The following KIAA0825 variants were observed in gnomAD, a reference collection of about 807,000 sequenced individuals.
KIAA0825 encodes the protein KIAA0825.
A neutral mutation model predicts 147.6 loss-of-function variants in KIAA0825; 119 were observed. The ratio of observed to expected loss-of-function variants is 0.81; its 90% CI spans 0.69 to 0.94. The LOEUF (loss-of-function observed/expected upper bound fraction) is 0.94, where lower values mean the gene tolerates loss of function less well. Among genes scored for constraint, KIAA0825 ranks in the 40% least tolerant of loss-of-function variants. The pLI, the probability that KIAA0825 is intolerant of heterozygous loss-of-function variation, is 0.00. For missense variants in KIAA0825, 1,381 were observed against 1,472.7 expected (o/e 0.94, Z 1.02); for synonymous variants, 470 against 518.1 (o/e 0.91, Z 1.26).
At chr5:94,319,540 G>C (rs1779967918) in intron 20 of KIAA0825, among the ~76,000 whole-genome samples, 2 of 151,814 alleles carry the variant, frequency 1.3e-5, no homozygotes, top group African/African-American at 4.8e-5. Context: ...TTCTCTCCCA[G>C]GTTTCCTCAT....
chr5:94,370,084 C>T (rs1016662978), intron 20 of KIAA0825, among the ~76,000 whole-genome samples: 2 of 151,876 alleles, frequency 1.3e-5, no homozygotes, highest in East Asian at 3.8e-4. Context: ...ATACTGGAAA[C>T]AATCCAAATG....
chr5:94,395,040 T>G (rs890293135), intron 17 of KIAA0825, among the ~76,000 whole-genome samples: 1 of 152,246 alleles, frequency 6.6e-6, no homozygotes, highest in Non-Finnish European at 1.5e-5. Flanking sequence ...TAATAGAGTT[T>G]ATACATAATA....
At chr5:94,248,608 G>A (rs529135625) in intron 20 of KIAA0825, among the ~76,000 whole-genome samples, 1 of 152,232 alleles carries the variant, frequency 6.6e-6, no homozygotes, top group East Asian at 1.9e-4. Flanking sequence ...AGTAGAAAGT[G>A]GATGTCAGTC....
At chr5:94,288,410 A>G (rs1777746986) in intron 20 of KIAA0825, among the ~76,000 whole-genome samples, 1 of 152,192 alleles carries the variant, frequency 6.6e-6, no homozygotes, top group South Asian at 2.1e-4. Context: ...TTCAATTTCA[A>G]ATAGAGACAG....
chr5:94,590,980 C>T (rs915138424), intron 1 of KIAA0825, among the ~76,000 whole-genome samples: 1 of 152,116 alleles, frequency 6.6e-6, no homozygotes, highest in Non-Finnish European at 1.5e-5. Flanking sequence ...GTACACATTA[C>T]GTTAAAACTG....
chr5:94,605,083 A>G (rs1410368960), intron 1 of KIAA0825, among the ~76,000 whole-genome samples: 1 of 152,170 alleles, frequency 6.6e-6, no homozygotes, highest in Non-Finnish European at 1.5e-5. Context: ...TAAGAGGGAC[A>G]TTACCACTGA....
intron 14 of KIAA0825, among the ~76,000 whole-genome samples, chr5:94,431,739 T>A (rs139639610): frequency 1.3e-5 from 2 of 152,318 alleles, no homozygotes; most frequent in East Asian, 3.9e-4. Context: ...GAAAAGGCAC[T>A]GGTATTAGAG....
In KIAA0825 at chr5:94,153,943, A is replaced by T. The variant is rs913072575; in HGVS notation, c.*64T>A. ...ATATGAGGTTCATTCTGACTATGGTAAAAAATCCTACTCCATTACATGGGA... is the reference window on the plus strand; with the variant it reads ...ATATGAGGTTCATTCTGACTATGGTTAAAAATCCTACTCCATTACATGGGA... On this transcript the variant is annotated 3_prime_UTR_variant, in exon 21 of 21. Coordinates refer to ENST00000682413, the MANE Select transcript of KIAA0825 (RefSeq NM_001145678.3). The T allele has an allele frequency of 3.5e-6, 4 of 1,156,378 alleles. No homozygotes were observed. The highest frequency in any genetic ancestry group is 5.1e-6 in the Non-Finnish European group (4 of 789,932). 71.6% of individuals were successfully genotyped at this position (1,156,378 alleles called of 1,614,324 possible). A position where few individuals can be genotyped will look rare whatever the true frequency, so the allele number is the denominator to read the frequency against.
At chr5:94,609,361 CT>C (rs916537892) in intron 1 of KIAA0825, among the ~76,000 whole-genome samples, 9 of 151,836 alleles carry the variant, frequency 5.9e-5, no homozygotes, top group East Asian at 1.9e-4. Flanking sequence ...AAAAATATAG[CT>C]TTTTTTTAAA....
At chr5:94,399,669 T>C (rs1751126262) in intron 16 of KIAA0825, among the ~76,000 whole-genome samples, 1 of 152,106 alleles carries the variant, frequency 6.6e-6, no homozygotes, top group Non-Finnish European at 1.5e-5. Flanking sequence ...CGTATATATG[T>C]AACATATTGT....
chr5:94,524,619 C>A (rs1768904129), intron 3 of KIAA0825, among the ~76,000 whole-genome samples: 1 of 151,686 alleles, frequency 6.6e-6, no homozygotes, highest in African/African-American at 2.4e-5. Context: ...CCTTTTCCTG[C>A]CATCCAACTC....
At chr5:94,443,542 G>A (rs547914242) in intron 13 of KIAA0825, among the ~76,000 whole-genome samples, 1 of 152,084 alleles carries the variant, frequency 6.6e-6, no homozygotes, top group South Asian at 2.1e-4. Context: ...CTGTATTTCT[G>A]GGGCACAAAT....
At chr5:94,217,499 T>A (rs1010243860) in intron 20 of KIAA0825, among the ~76,000 whole-genome samples, 4 of 152,150 alleles carry the variant, frequency 2.6e-5, no homozygotes, top group South Asian at 2.1e-4. Context: ...CTATTTACCA[T>A]GATGGGCTGA....
chr5:94,503,077 T>A (rs1190665557), intron 5 of KIAA0825, among the ~76,000 whole-genome samples: 15 of 144,306 alleles, frequency 1.0e-4, no homozygotes, highest in South Asian at 4.3e-4. Context: ...AAAAAAAATA[T>A]ATATATATAT....
intron 20 of KIAA0825, among the ~76,000 whole-genome samples, chr5:94,320,248 G>T (rs1258417239): frequency 1.3e-5 from 2 of 151,338 alleles, no homozygotes; most frequent in South Asian, 4.2e-4. Context: ...GTGATATTTT[G>T]TTACATGCAT....
intron 13 of KIAA0825, among the ~76,000 whole-genome samples, chr5:94,449,731 C>T (rs1758159269): frequency 6.6e-6 from 1 of 152,146 alleles, no homozygotes; most frequent in Admixed American, 6.5e-5. Flanking sequence ...CAGGTTAAGC[C>T]ATGTGAATAA....
At chr5:94,236,120 A>G (rs911073987) in intron 20 of KIAA0825, among the ~76,000 whole-genome samples, 11 of 152,212 alleles carry the variant, frequency 7.2e-5, no homozygotes, top group Non-Finnish European at 1.3e-4. Context: ...ATTTTGTAAG[A>G]CTACAGCTGC....
chr5:94,473,408 C>T lies in KIAA0825; in HGVS notation c.1339G>A (p.Glu447Lys). The T allele has an allele frequency of 3.2e-6, 5 of 1,552,018 alleles. No individual in the cohort carries two copies. Among genetic ancestry groups the T allele is most frequent in the South Asian group, 1.2e-5 (1 of 84,062 alleles). ...ACAGCTGAAGACCTTTCATTCTGTT[C>T]CTGTTGGAGAATTTTTGTGGAAAAA... ...EGFSTKILQQ[E>K]QNERSSAVSY... The change falls in exon 8 of 21, where the codon GAA (glutamate) becomes AAA (lysine). Residue 447 changes from glutamate to lysine, a missense_variant. Transcript: ENST00000682413.
chr5:94,208,840 T>C (rs1325600249), intron 20 of KIAA0825, among the ~76,000 whole-genome samples: 2 of 152,238 alleles, frequency 1.3e-5, no homozygotes, highest in Non-Finnish European at 1.5e-5. Flanking sequence ...AGCAAGTGTT[T>C]GAACTTGAAA....
Sources: gnomAD v4.1 joint callset for allele counts (sites outside exome capture counted in the v4.1 genomes callset) on GRCh38, gnomAD v4.1.1 for gene constraint, MANE v1.5 for transcripts, NCBI Gene and HGNC (gene_info 2026-07-23, HGNC 2026-07-21) for gene names.